The following KCNIP4 variants were observed in gnomAD, a reference collection of about 807,000 sequenced individuals.
KCNIP4 encodes the protein potassium voltage-gated channel interacting protein 4.
Under a neutral mutation model 34.0 loss-of-function variants are expected in KCNIP4, and 12 were observed. That is an observed-to-expected ratio of 0.35 (90% CI 0.23 to 0.57). The LOEUF is 0.57. Ranked by LOEUF, KCNIP4 falls within the 20% of genes least tolerant of loss-of-function variation. The pLI is 0.83. For synonymous variants in KCNIP4, 124 were observed against 102.2 expected, an observed-to-expected ratio of 1.21 and a Z score of -1.29; for missense variants, 238 against 311.7, an observed-to-expected ratio of 0.76 and a Z score of 1.78.
intron 1 of KCNIP4, among the ~76,000 whole-genome samples, chr4:21,782,436 G>C (rs893964831): frequency 6.6e-6 from 1 of 152,188 alleles, no homozygotes; most frequent in African/African-American, 2.4e-5. Flanking sequence ...ATTCATGCCT[G>C]TAATTCCAGC....
At chr4:21,826,963 A>G (rs111339287) in intron 1 of KCNIP4, among the ~76,000 whole-genome samples, 1 of 152,116 alleles carries the variant, frequency 6.6e-6, no homozygotes, top group Non-Finnish European at 1.5e-5. Context: ...TTAAAAATAC[A>G]CACAGTTGAA....
chr4:21,187,722 G>C (rs1162598969), intron 1 of KCNIP4, among the ~76,000 whole-genome samples: 5 of 151,442 alleles, frequency 3.3e-5, no homozygotes, highest in Admixed American at 6.6e-5. Flanking sequence ...TTTTTCTGCA[G>C]GTATTTTTCT....
intron 1 of KCNIP4, among the ~76,000 whole-genome samples, chr4:21,768,284 T>A (rs1412801050): frequency 2.0e-5 from 3 of 152,106 alleles, no homozygotes; most frequent in Non-Finnish European, 2.9e-5. Context: ...AAAATAAGTA[T>A]GTAAGCATGT....
At chr4:21,550,638 A>G (rs1177780994) in intron 1 of KCNIP4, among the ~76,000 whole-genome samples, 1 of 152,050 alleles carries the variant, frequency 6.6e-6, no homozygotes, top group Non-Finnish European at 1.5e-5. Flanking sequence ...CTACCCATAG[A>G]TACAATCCAA....
intron 1 of KCNIP4, among the ~76,000 whole-genome samples, chr4:21,002,294 T>C (rs1303144678): frequency 1.3e-5 from 2 of 152,228 alleles, no homozygotes; most frequent in Non-Finnish European, 2.9e-5. Context: ...CTGAAAGCTT[T>C]GAATATGACT....
chr4:21,348,200 A>G (rs918123801), intron 1 of KCNIP4, among the ~76,000 whole-genome samples: 1 of 152,162 alleles, frequency 6.6e-6, no homozygotes, highest in African/African-American at 2.4e-5. Flanking sequence ...CCATATGTGC[A>G]TGCATTTCCA....
intron 1 of KCNIP4, among the ~76,000 whole-genome samples, chr4:21,551,908 A>C (rs1738614178): frequency 6.6e-6 from 1 of 152,042 alleles, no homozygotes; most frequent in African/African-American, 2.4e-5. Context: ...CAGATACAGT[A>C]AAATATTCAA....
intron 1 of KCNIP4, among the ~76,000 whole-genome samples, chr4:21,421,336 C>T (rs1343134054): frequency 6.6e-6 from 1 of 152,130 alleles, no homozygotes; most frequent in African/African-American, 2.4e-5. Flanking sequence ...TTCATGGTAG[C>T]ATTAGTCACA....
intron 1 of KCNIP4, among the ~76,000 whole-genome samples, chr4:21,545,510 T>C (rs1408218183): frequency 6.6e-6 from 1 of 152,132 alleles, no homozygotes; most frequent in East Asian, 1.9e-4. Context: ...ACATTAGGTA[T>C]TTGTCCTAAT....
At chr4:21,847,262 C>A (rs1276167398) in intron 1 of KCNIP4, 5 of 152,106 alleles carry the variant, frequency 3.3e-5, no homozygotes, top group Admixed American at 1.3e-4. Flanking sequence ...ACACTCAGTG[C>A]TGCACTTTTT....
chr4:21,459,769 T>A (rs1729292472), intron 1 of KCNIP4, among the ~76,000 whole-genome samples: 1 of 152,058 alleles, frequency 6.6e-6, no homozygotes, highest in Non-Finnish European at 1.5e-5. Context: ...TCTTTTCTCA[T>A]GCTTCACATC....
At chr4:21,524,501 G>C (rs1274720897) in intron 1 of KCNIP4, among the ~76,000 whole-genome samples, 1 of 151,648 alleles carries the variant, frequency 6.6e-6, no homozygotes, top group African/African-American at 2.4e-5. Flanking sequence ...TTTTTCTTAT[G>C]CTTCTTTCAA....
intron 1 of KCNIP4, among the ~76,000 whole-genome samples, chr4:21,862,194 AGGCT>A (rs1725116501): frequency 6.6e-6 from 1 of 152,112 alleles, no homozygotes; most frequent in Admixed American, 6.6e-5. Context: ...CTGTTACTTT[AGGCT>A]GCTTTACTTT....
intron 1 of KCNIP4, among the ~76,000 whole-genome samples, chr4:20,912,710 T>A (rs191989435): frequency 6.6e-6 from 1 of 152,162 alleles, no homozygotes; most frequent in Admixed American, 6.5e-5. Context: ...AACCTAATTT[T>A]AAAAATAGAA....
chr4:21,694,192 T>C (rs528451500), intron 1 of KCNIP4, among the ~76,000 whole-genome samples: 21 of 152,320 alleles, frequency 1.4e-4, no homozygotes, highest in African/African-American at 5.1e-4. Context: ...GTTCCTATCA[T>C]ACACAAATAG....
intron 1 of KCNIP4, among the ~76,000 whole-genome samples, chr4:21,270,836 A>T (rs929272659): frequency 6.6e-6 from 1 of 152,008 alleles, no homozygotes; most frequent in Non-Finnish European, 1.5e-5. Flanking sequence ...AAAATTCAAA[A>T]ATTAGCCAGG....
chr4:21,866,421 G>A (rs567991511), intron 1 of KCNIP4, among the ~76,000 whole-genome samples: 130 of 152,308 alleles, frequency 8.5e-4, no homozygotes, highest in Non-Finnish European at 1.6e-3. Context: ...AATATCTGTA[G>A]GGAGTTGCTG....
At chr4:21,226,007 TA>T (rs1427018780) in intron 1 of KCNIP4, among the ~76,000 whole-genome samples, 3 of 151,864 alleles carry the variant, frequency 2.0e-5, no homozygotes, top group African/African-American at 7.3e-5. Context: ...CTAACATTTA[TA>T]GGACATGGTG....
chr4:21,652,717 C>T (rs572979699), intron 1 of KCNIP4, among the ~76,000 whole-genome samples: 23 of 152,080 alleles, frequency 1.5e-4, no homozygotes, highest in Non-Finnish European at 3.2e-4. Context: ...TATTCAGCAT[C>T]GGAGGCCAAA....
Sources: allele counts gnomAD v4.1 joint callset (sites outside exome capture counted in the v4.1 genomes callset), GRCh38; gene constraint gnomAD v4.1.1; transcripts MANE v1.5; gene names NCBI Gene and HGNC (gene_info 2026-07-23, HGNC 2026-07-21).